The following CD300A variants were observed in gnomAD, a reference collection of about 807,000 sequenced individuals.
The protein encoded by CD300A is CD300a molecule.
In CD300A, 22 loss-of-function variants were observed where a neutral mutation model predicts 33.6. The ratio of observed to expected loss-of-function variants is 0.66; its 90% CI spans 0.47 to 0.94. The LOEUF (loss-of-function observed/expected upper bound fraction) is 0.94. Among genes scored for constraint, CD300A ranks in the 40% least tolerant of loss-of-function variants. The pLI is 0.00. For synonymous variants in CD300A, 136 were observed against 148.1 expected, an observed-to-expected ratio of 0.92 and a Z score of 0.59; for missense variants, 326 against 360.5, an observed-to-expected ratio of 0.90 and a Z score of 0.77.
chr17:74,471,940 A>G (rs1906128240), intron 1 of CD300A, among the ~76,000 whole-genome samples: 1 of 152,106 alleles, frequency 6.6e-6, no homozygotes, highest in East Asian at 1.9e-4. Context: ...TGAAACAGTA[A>G]GTAAAATTAA....
upstream of CD300A, chr17:74,466,591 G>A: frequency 1.6e-6 from 2 of 1,220,156 alleles, no homozygotes; most frequent in Non-Finnish European, 2.3e-6. Context: ...GAACAAGGAA[G>A]CAGCGCGGCA....
intron 3 of CD300A, 65 bp from the exon 4 acceptor site, chr17:74,477,371 A>T: frequency 9.2e-7 from 1 of 1,083,512 alleles, no homozygotes. Context: ...ATAAAAAATA[A>T]AAATAAAAAA....
At chr17:74,477,697 C>T (rs973348174) in intron 4 of CD300A, among the ~76,000 whole-genome samples, 167 bp downstream of exon 4, 3 of 152,138 alleles carry the variant, frequency 2.0e-5, no homozygotes, top group African/African-American at 7.2e-5. Context: ...GGGAGGCATC[C>T]TTGTGCGTGG....
chr17:74,477,611 C>T, intron 4 of CD300A, 81 bp downstream of exon 4: 4 of 861,330 alleles, frequency 4.6e-6, no homozygotes, highest in Non-Finnish European at 5.7e-6. Flanking sequence ...AAAGCTATGT[C>T]CACGTCCCAC....
chr17:74,472,065 ACCCTGT>A (rs1455985750), intron 1 of CD300A, among the ~76,000 whole-genome samples: 1 of 151,968 alleles, frequency 6.6e-6, no homozygotes, highest in Non-Finnish European at 1.5e-5. Context: ...ACATGGTGAA[ACCCTGT>A]CTCTACTAAA....
intron 1 of CD300A, chr17:74,469,932 TG>T: frequency 1.0e-6 from 1 of 983,916 alleles, no homozygotes; most frequent in Non-Finnish European, 1.2e-6. Flanking sequence ...CACTGATTTC[TG>T]TGAATTCACC....
chr17:74,471,990 C>T (rs1464385929), intron 1 of CD300A, among the ~76,000 whole-genome samples: 1 of 152,086 alleles, frequency 6.6e-6, no homozygotes, highest in Non-Finnish European at 1.5e-5. Flanking sequence ...CCTGTAATCC[C>T]AGCACTTTGG....
At chr17:74,476,997 G>A (rs1234491148) in intron 3 of CD300A, among the ~76,000 whole-genome samples, 2 of 151,912 alleles carry the variant, frequency 1.3e-5, no homozygotes, top group Admixed American at 6.6e-5. Context: ...TGGGGAATGT[G>A]TAAATGGGGG....
intron 6 of CD300A, among the ~76,000 whole-genome samples, chr17:74,482,382 T>C (rs566981469): frequency 6.6e-6 from 1 of 151,870 alleles, no homozygotes; most frequent in South Asian, 2.1e-4. Flanking sequence ...CCCCCAGGCC[T>C]GGGAGCTGAA....
chr17:74,479,646 A>G (rs955696643), intron 4 of CD300A, among the ~76,000 whole-genome samples: 15 of 152,196 alleles, frequency 9.9e-5, no homozygotes, highest in African/African-American at 3.4e-4. Flanking sequence ...TAAAAATCAC[A>G]GACGCAGAGT....
intron 3 of CD300A, among the ~76,000 whole-genome samples, chr17:74,475,405 A>G (rs770402298): frequency 4.6e-5 from 7 of 152,172 alleles, no homozygotes; most frequent in South Asian, 4.1e-4. Context: ...GAGTAAACTG[A>G]GACTCAGCGA....
intron 3 of CD300A, among the ~76,000 whole-genome samples, chr17:74,477,185 A>G (rs555686172): frequency 6.6e-6 from 1 of 152,040 alleles, no homozygotes; most frequent in East Asian, 1.9e-4. Flanking sequence ...TGGGCAATAT[A>G]GCAAGATTGA....
intron 3 of CD300A, among the ~76,000 whole-genome samples, chr17:74,476,188 C>T (rs941580660): frequency 2.0e-5 from 3 of 152,172 alleles, no homozygotes; most frequent in African/African-American, 4.8e-5. Flanking sequence ...TCTCTAATTA[C>T]GTAGTTGGTC....
In CD300A at chr17:74,474,648, A is replaced by G; in HGVS notation, c.496A>G (p.Ser166Gly). The G allele has an allele frequency of 6.2e-7, 1 of 1,614,192 alleles. No individual in the cohort carries two copies. The highest frequency in any genetic ancestry group is 8.5e-7 in the Non-Finnish European group (1 of 1,180,018). ...TGCAGTGGGTGCCACCCACAGTGCC[A>G]GCATCCAGGAGGAAACTGAGGAGGT... ...LFAVGATHSA[S>G]IQEETEEVVN... is the part of the protein sequence containing the mutation. The change falls in exon 3 of 7, where the codon AGC becomes GGC. Residue 166 changes from serine to glycine, a missense_variant. Ser to Gly is a moderately conservative substitution (Grantham distance 56, BLOSUM62 0). Transcript: ENST00000360141.
At chr17:74,478,109 C>T (rs1906600245) in intron 4 of CD300A, among the ~76,000 whole-genome samples, 1 of 152,188 alleles carries the variant, frequency 6.6e-6, no homozygotes, top group Non-Finnish European at 1.5e-5. Flanking sequence ...CTCAGCCTCT[C>T]CTCTCCTTCT....
At chr17:74,468,653 T>G (rs1434263842) in intron 1 of CD300A, among the ~76,000 whole-genome samples, 1 of 152,070 alleles carries the variant, frequency 6.6e-6, no homozygotes, top group African/African-American at 2.4e-5. Flanking sequence ...ATTTTTTATT[T>G]TATTTTTATT....
rs1242241772 is a variant in CD300A at position 74,473,232 on chromosome 17, T to C, written c.41-304T>C. Among the ~76,000 whole-genome samples the C allele has an allele frequency of 2.6e-5, 4 of 151,942 alleles. No individual in the cohort carries two copies. In the East Asian group the frequency reaches 7.7e-4, roughly 29 times the overall value. On this transcript the variant is annotated intron_variant, in intron 1 of 6. Coordinates refer to ENST00000360141, the MANE Select transcript of CD300A (RefSeq NM_007261.4). ...GCTGTGATCTGGCTGATGGGGCTGATATGAGGTGAAGGAGTCAGGGGCTGA... is the reference window on the plus strand; with the variant it reads ...GCTGTGATCTGGCTGATGGGGCTGACATGAGGTGAAGGAGTCAGGGGCTGA...
intron 5 of CD300A, 67 bp downstream of exon 5, chr17:74,481,393 T>G: frequency 6.9e-7 from 1 of 1,457,868 alleles, no homozygotes; most frequent in Non-Finnish European, 9.6e-7. Flanking sequence ...GCTGGGGAGT[T>G]GGACAGTCCC....
Position 74,474,669 on chromosome 17 carries a change from G to C in CD300A, c.517G>C (p.Glu173Gln). Reference sequence around the variant, plus strand: ...TGCCAGCATCCAGGAGGAAACTGAGGAGGTGGTGAACTCACAGTAAGCACC... The same window carrying C: ...TGCCAGCATCCAGGAGGAAACTGAGCAGGTGGTGAACTCACAGTAAGCACC... ...HSASIQEETE[E>Q]VVNSQLPLLL... The change falls in exon 3 of 7, where the codon GAG (glutamate) becomes CAG (glutamine). Residue 173 changes from glutamate (E) to glutamine (Q), a missense_variant. Coordinates refer to ENST00000360141, the MANE Select transcript of CD300A (RefSeq NM_007261.4). 6.2e-7 allele frequency: 1 copy of C among 1,614,176 alleles called. No individual in the cohort carries two copies. Among genetic ancestry groups the C allele is most frequent in the Non-Finnish European group, 8.5e-7 (1 of 1,180,002 alleles).
Sources: gnomAD v4.1 joint callset for allele counts (sites outside exome capture counted in the v4.1 genomes callset) on GRCh38, gnomAD v4.1.1 for gene constraint, MANE v1.5 for transcripts, NCBI Gene and HGNC (gene_info 2026-07-23, HGNC 2026-07-21) for gene names.